ABCC4: variants seen among roughly 807,000 people sequenced by gnomAD.
ABCC4 encodes the protein ATP binding cassette subfamily C member 4 (PEL blood group), also known as ATP-binding cassette sub-family C member 4.
A neutral mutation model predicts 168.5 loss-of-function variants in ABCC4; 102 were observed. The ratio of observed to expected loss-of-function variants is 0.61; its 90% confidence interval spans 0.52 to 0.71. ABCC4 has a LOEUF of 0.71. Among genes scored for constraint, ABCC4 ranks in the 30% least tolerant of loss-of-function variants. The probability of loss-of-function intolerance (pLI) is 0.00; values close to 1 mark genes in which losing one functional copy is unlikely to be tolerated. For synonymous variants in ABCC4, 617 were observed against 590.7 expected (o/e 1.04, Z -0.65); for missense variants, 1,402 against 1,605.8 (o/e 0.87, Z 2.17).
chr13:95,153,838 T>C (rs1269154779), intron 19 of ABCC4, among the ~76,000 whole-genome samples: 1 of 152,154 alleles, frequency 6.6e-6, no homozygotes, highest in Admixed American at 6.5e-5. Context: ...AAAATAACAA[T>C]AGCAATCAAA....
At chr13:95,194,636 T>C (rs2038358480) in intron 9 of ABCC4, among the ~76,000 whole-genome samples, 200 bp downstream of exon 9, 1 of 152,194 alleles carries the variant, frequency 6.6e-6, no homozygotes, top group Non-Finnish European at 1.5e-5. Context: ...AAATACAACT[T>C]GTCAAATACC....
At chr13:95,091,778 AG>A (rs2139351779) in intron 20 of ABCC4, among the ~76,000 whole-genome samples, 1 of 152,312 alleles carries the variant, frequency 6.6e-6, no homozygotes, top group South Asian at 2.1e-4. Flanking sequence ...CAAAGTACAC[AG>A]ACAACAAACA....
intron 29 of ABCC4, among the ~76,000 whole-genome samples, chr13:95,042,164 C>T (rs1452845158): frequency 1.3e-5 from 2 of 152,122 alleles, no homozygotes; most frequent in Non-Finnish European, 2.9e-5. Context: ...CAAGGGAATG[C>T]TTGCCTTTCC....
At chr13:95,222,081 T>C (rs1018546434) in intron 4 of ABCC4, among the ~76,000 whole-genome samples, 1 of 152,222 alleles carries the variant, frequency 6.6e-6, no homozygotes, top group Admixed American at 6.5e-5. Flanking sequence ...ATATGGCAGA[T>C]GCTGGAGCCC....
In ABCC4 at chr13:95,025,375, A is replaced by C. The variant is rs1344025822; in HGVS notation, c.3871-3693T>G. On this transcript the variant is annotated intron_variant, in intron 30 of 30. Coordinates refer to ENST00000645237, the MANE Select transcript of ABCC4 (RefSeq NM_005845.5). ...ACACCCCCACACACACCCACACCCCACACACACCCTCCCACCCCCACACAC... is the reference window on the plus strand; with the variant it reads ...ACACCCCCACACACACCCACACCCCCCACACACCCTCCCACCCCCACACAC... 4.9e-3 allele frequency among the ~76,000 whole-genome samples: 69 copies of C among 14,214 alleles called. 5 individuals are homozygous for C. Among genetic ancestry groups the C allele is most frequent in the African/African-American group, 0.025 (61 of 2,486 alleles). 9.3% of individuals were successfully genotyped at this position (14,214 alleles called of 152,430 possible). A position where few individuals can be genotyped will look rare whatever the true frequency, so the allele number is the denominator to read the frequency against.
intron 27 of ABCC4, among the ~76,000 whole-genome samples, chr13:95,049,851 A>G (rs890679668): frequency 1.5e-4 from 23 of 152,128 alleles, no homozygotes; most frequent in African/African-American, 5.3e-4. Context: ...ACCACCTTTT[A>G]AGTGGTTAAA....
intron 19 of ABCC4, among the ~76,000 whole-genome samples, chr13:95,140,753 C>A (rs9561790): frequency 6.6e-6 from 1 of 152,312 alleles, no homozygotes; most frequent in East Asian, 1.9e-4. Flanking sequence ...ATTTCTATGG[C>A]TAATTTTTTC....
intron 10 of ABCC4, among the ~76,000 whole-genome samples, chr13:95,187,408 C>A (rs1418740687): frequency 1.3e-5 from 2 of 151,910 alleles, no homozygotes; most frequent in African/African-American, 2.4e-5. Flanking sequence ...AGTTCGAGAC[C>A]AGCCTGGCCA....
At chr13:95,234,141 A>C (rs896891355) in intron 4 of ABCC4, among the ~76,000 whole-genome samples, 5 of 152,236 alleles carry the variant, frequency 3.3e-5, no homozygotes, top group Admixed American at 3.3e-4. Flanking sequence ...CATAGATCCA[A>C]TTTCACTGAA....
At chr13:95,294,222 T>C (rs1271410732) in intron 1 of ABCC4, among the ~76,000 whole-genome samples, 1 of 151,926 alleles carries the variant, frequency 6.6e-6, no homozygotes, top group Non-Finnish European at 1.5e-5. Context: ...TATCCGGGCG[T>C]GGTTTTGAGC....
intron 13 of ABCC4, 77 bp from the exon 14 acceptor site, chr13:95,170,705 C>CGTAGTCAAAGACAACACA (rs1244309761): frequency 8.2e-6 from 7 of 854,104 alleles, no homozygotes; most frequent in Non-Finnish European, 1.3e-5. Context: ...ATTTTGAAAC[C>CGTAGTCAAAGACAACACA]GTAGTCAAAG....
intron 9 of ABCC4, among the ~76,000 whole-genome samples, chr13:95,192,646 G>A (rs1043215493): frequency 1.6e-4 from 24 of 152,128 alleles, no homozygotes; most frequent in South Asian, 1.2e-3. Flanking sequence ...AGCTGGGCAC[G>A]GTGGCTCATG....
intron 8 of ABCC4, among the ~76,000 whole-genome samples, chr13:95,199,511 A>G (rs1015868410): frequency 2.0e-5 from 3 of 152,170 alleles, no homozygotes; most frequent in Non-Finnish European, 4.4e-5. Context: ...GTCTTCTAGT[A>G]TTCCATATTT....
intron 20 of ABCC4, among the ~76,000 whole-genome samples, chr13:95,109,690 TGG>T (rs2035136121): frequency 2.0e-5 from 3 of 152,320 alleles, no homozygotes; most frequent in Admixed American, 1.3e-4. Context: ...GAGCTAGGAT[TGG>T]AAATTTGTCT....
intron 20 of ABCC4, among the ~76,000 whole-genome samples, chr13:95,105,346 C>A (rs980352662): frequency 6.6e-6 from 1 of 152,040 alleles, no homozygotes; most frequent in Non-Finnish European, 1.5e-5. Flanking sequence ...CCTAACAGGC[C>A]ACACAGACTA....
At chr13:95,126,875 C>G (rs912406901) in intron 19 of ABCC4, among the ~76,000 whole-genome samples, 17 of 146,082 alleles carry the variant, frequency 1.2e-4, no homozygotes, top group Non-Finnish European at 2.1e-4. Flanking sequence ...TATTTAAGTA[C>G]ACCAAATATA....
intron 29 of ABCC4, among the ~76,000 whole-genome samples, chr13:95,039,170 T>G (rs114980310): frequency 0.014 from 2,129 of 152,302 alleles, 61 homozygotes; most frequent in African/African-American, 0.049. Flanking sequence ...TTTCAGATAC[T>G]TTTGAATTTT....
At chr13:95,173,633 A>T (rs1374752119) in intron 13 of ABCC4, among the ~76,000 whole-genome samples, 3 of 152,180 alleles carry the variant, frequency 2.0e-5, no homozygotes, top group Non-Finnish European at 4.4e-5. Context: ...GGCAGACTGC[A>T]AAGGGCAATT....
intron 11 of ABCC4, among the ~76,000 whole-genome samples, chr13:95,179,386 G>A (rs2037816712): frequency 6.6e-6 from 1 of 152,186 alleles, no homozygotes; most frequent in Non-Finnish European, 1.5e-5. Flanking sequence ...GCACAGACTG[G>A]TTGCACTAAG....
Sources: allele counts gnomAD v4.1 joint callset (sites outside exome capture counted in the v4.1 genomes callset), GRCh38; gene constraint gnomAD v4.1.1; transcripts MANE v1.5; gene names NCBI Gene and HGNC (gene_info 2026-07-23, HGNC 2026-07-21).